DCAF1: variants seen among roughly 807,000 people sequenced by gnomAD.
DCAF1 encodes DDB1 and CUL4 associated factor 1, also known as DDB1- and CUL4-associated factor 1.
DCAF1 carries 15 observed loss-of-function variants against 128.0 expected under a neutral mutation model. The observed-to-expected ratio is 0.12, with a 90% CI of 0.08 to 0.18. DCAF1 has a LOEUF of 0.18. DCAF1 is among the 10% of genes least tolerant of loss of function. The pLI, the probability that DCAF1 is intolerant of heterozygous loss-of-function variation, is 1.00. For missense variants in DCAF1, 988 were observed against 1,649.5 expected (o/e 0.60, Z 6.95); for synonymous variants, 610 against 603.0 (o/e 1.01, Z -0.17).
At position 51,431,259 on chromosome 3, in the gene DCAF1, T is replaced by TG. The variant is rs1700344219; in HGVS notation, c.1288-1048dup. 2.6e-5 allele frequency among the ~76,000 whole-genome samples: 4 copies of TG among 151,974 alleles called. No individual in the cohort carries two copies. The South Asian group carries it at 8.3e-4, about 31-fold the overall frequency. On this transcript the variant is annotated intron_variant, in intron 10 of 24. Transcript: ENST00000684031. The stretch of plus-strand genomic sequence containing the variant: ...AAGGCCAGGCACGGTGGCTTATGAC[T>TG]GTAATCCCAGTACTTTGGGAGGCTG...
At chr3:51,417,633 C>A (rs1285888370) in intron 17 of DCAF1, among the ~76,000 whole-genome samples, 2 of 151,600 alleles carry the variant, frequency 1.3e-5, no homozygotes, top group African/African-American at 4.8e-5. Flanking sequence ...GGCAGGAGAA[C>A]GGTGTGAACC....
At chr3:51,396,808 G>A (rs1191611267), downstream of DCAF1, 3 of 167,126 alleles carry the variant, frequency 1.8e-5, no homozygotes, top group East Asian at 1.9e-4. Context: ...TGGCTCCGTT[G>A]AGTTAATGAC....
chr3:51,500,116 G>GGAA (rs1559596329), upstream of DCAF1: 2 of 27,836 alleles, frequency 7.2e-5, no homozygotes, highest in African/African-American at 3.1e-4. Context: ...CACGATCGGG[G>GGAA]AAAAAAAAAA....
At chr3:51,414,908 G>C in intron 18 of DCAF1, 51 bp from the exon 19 acceptor site, 1 of 1,568,236 alleles carries the variant, frequency 6.4e-7, no homozygotes, top group Non-Finnish European at 8.7e-7. Flanking sequence ...TCCATCCACT[G>C]ACAAATTAAA....
chr3:51,489,841 AG>A (rs1707423365), intron 2 of DCAF1, among the ~76,000 whole-genome samples: 1 of 149,476 alleles, frequency 6.7e-6, no homozygotes, highest in Admixed American at 6.8e-5. Context: ...GTATATAGAT[AG>A]ATAGATAGAT....
intron 4 of DCAF1, among the ~76,000 whole-genome samples, chr3:51,468,292 C>T (rs1356345237): frequency 3.3e-5 from 5 of 152,170 alleles, no homozygotes; most frequent in African/African-American, 1.2e-4. Context: ...CTGCCTCAGC[C>T]TCCCGAGTAG....
intron 24 of DCAF1, 52 bp downstream of exon 24, chr3:51,403,091 G>A: frequency 1.3e-6 from 2 of 1,547,610 alleles, no homozygotes; most frequent in Middle Eastern, 1.9e-4. Flanking sequence ...CACAAAAGAA[G>A]GGATCTTGCC....
chr3:51,414,145 G>A (rs1698673551), intron 19 of DCAF1, 102 bp from the exon 20 acceptor site: 3 of 1,403,338 alleles, frequency 2.1e-6, no homozygotes, highest in South Asian at 3.4e-5. Context: ...GCCAGGTATT[G>A]ATACTTTAAA....
At position 51,420,525 on chromosome 3, in the gene DCAF1, C is replaced by T. The variant is rs782245405; in HGVS notation, c.2445G>A (p.Arg815=). Residue 815 remains arginine, a synonymous_variant, in exon 15 of 25, where the codon CGG becomes CGA. Coordinates refer to ENST00000684031, the MANE Select transcript of DCAF1 (RefSeq NM_001387579.1). This position sits in a 1 kb window ranked among gnomAD's most constrained non-coding sequence, Gnocchi z 6.5. The part of the protein sequence containing the change: ...FCKYAAELIE[R]VSGKPLLIGT... Reference sequence around the variant, plus strand: ...CAATGAGAAGTGGTTTTCCTGACACCCGTTCAATGAGTTCAGCAGCATACT... The same window carrying T: ...CAATGAGAAGTGGTTTTCCTGACACTCGTTCAATGAGTTCAGCAGCATACT... 3 of 1,613,916 alleles carry T rather than the reference C, an allele frequency of 1.9e-6. No individual in the cohort carries two copies. Among genetic ancestry groups the T allele is most frequent in the Admixed American group, 1.7e-5 (1 of 60,024 alleles).
upstream of DCAF1, among the ~76,000 whole-genome samples, chr3:51,504,183 C>A (rs1180527515): frequency 3.3e-5 from 5 of 151,816 alleles, no homozygotes; most frequent in Non-Finnish European, 7.4e-5. Flanking sequence ...ACTACAGGCG[C>A]CCGCCACCAC....
At chr3:51,464,939 T>C (rs1392241915) in intron 5 of DCAF1, among the ~76,000 whole-genome samples, 1 of 152,124 alleles carries the variant, frequency 6.6e-6, no homozygotes, top group Non-Finnish European at 1.5e-5. Flanking sequence ...GATTTGGTTT[T>C]TACACCAAAC....
chr3:51,421,637 A>T (rs1408847547), intron 14 of DCAF1, among the ~76,000 whole-genome samples: 1 of 152,172 alleles, frequency 6.6e-6, no homozygotes, highest in Non-Finnish European at 1.5e-5. Flanking sequence ...GTGGAAGCAG[A>T]ACCCTTTCCA....
chr3:51,447,001 A>ATAAT (rs1553640365), intron 6 of DCAF1, among the ~76,000 whole-genome samples: 1 of 148,496 alleles, frequency 6.7e-6, no homozygotes, highest in Non-Finnish European at 1.5e-5. Flanking sequence ...AATAATAATA[A>ATAAT]AATGTTTTAA....
rs1699485396 is a variant in DCAF1 at position 51,422,420 on chromosome 3, A to C, written c.1859T>G (p.Val620Gly). The change falls in exon 14 of 25, where the codon GTG (valine) becomes GGG (glycine). Residue 620 changes from valine to glycine, a missense_variant. Around this residue, in one of 11 missense-constraint regions of DCAF1, gnomAD observed 185 missense variants for 248.1 expected, o/e 0.75. Transcript: ENST00000684031. ...WKTYYARNDT[V>G]RFALDVLAIL... ...AGCCAGGACATCCAAAGCAAAGCGCACAGTGTCATTCCTGGACAGGAAGAA... is the reference window on the plus strand; with the variant it reads ...AGCCAGGACATCCAAAGCAAAGCGCCCAGTGTCATTCCTGGACAGGAAGAA... 1 of 723,652 alleles carries C rather than the reference A, an allele frequency of 1.4e-6. No homozygotes were observed. Among genetic ancestry groups the C allele is most frequent in the Non-Finnish European group, 2.6e-6 (1 of 387,882 alleles). The allele number at this position is 723,652 out of a possible 1,614,324, so 44.8% of individuals were successfully genotyped here. A position where few individuals can be genotyped will look rare whatever the true frequency, so the allele number is the denominator to read the frequency against.
chr3:51,454,970 G>C (rs1702748541), intron 6 of DCAF1, among the ~76,000 whole-genome samples: 1 of 152,064 alleles, frequency 6.6e-6, no homozygotes, highest in Non-Finnish European at 1.5e-5. Context: ...GCCACGCCCG[G>C]CCTACCCAGC....
At chr3:51,482,862 C>T (rs879976295) in intron 3 of DCAF1, among the ~76,000 whole-genome samples, 11 of 149,590 alleles carry the variant, frequency 7.4e-5, no homozygotes, top group Non-Finnish European at 1.5e-4. Context: ...ATATGCTGGG[C>T]ATGGTGGCTC....
intron 12 of DCAF1, among the ~76,000 whole-genome samples, chr3:51,428,239 T>C (rs187141688): frequency 1.3e-5 from 2 of 151,788 alleles, no homozygotes; most frequent in African/African-American, 4.8e-5. Context: ...TGGAGTGCCA[T>C]AGCCCGATCA....
chr3:51,431,537 AAGATTATATATG>A (rs1700382370), intron 10 of DCAF1, among the ~76,000 whole-genome samples: 1 of 151,616 alleles, frequency 6.6e-6, no homozygotes. Flanking sequence ...AAAAAAAAAA[AAGATTATATATG>A]AAAGAGTCTT....
intron 14 of DCAF1, 104 bp downstream of exon 14, chr3:51,422,203 G>A (rs76934645): frequency 1.5e-6 from 1 of 671,876 alleles, no homozygotes; most frequent in Admixed American, 2.1e-5. Flanking sequence ...TACTACTTCT[G>A]TTCTAAAATC....
Sources: allele counts gnomAD v4.1 joint callset (sites outside exome capture counted in the v4.1 genomes callset), GRCh38; gene constraint gnomAD v4.1.1; regional missense constraint gnomAD v4.1.1; non-coding constraint Gnocchi (gnomAD v3.1); transcripts MANE v1.5; gene names NCBI Gene and HGNC (gene_info 2026-07-23, HGNC 2026-07-21).